CDH13: variants seen among roughly 807,000 people sequenced by gnomAD.
CDH13 encodes the protein cadherin-13.
In CDH13, 24 loss-of-function variants were observed where a neutral mutation model predicts 63.8. The ratio of observed to expected loss-of-function variants is 0.38; its 90% confidence interval spans 0.27 to 0.53. The LOEUF (loss-of-function observed/expected upper bound fraction) is 0.53, where lower values mean the gene tolerates loss of function less well. Ranked by LOEUF, CDH13 falls within the 20% of genes least tolerant of loss-of-function variation. The probability of loss-of-function intolerance (pLI) is 0.85; values close to 1 mark genes in which losing one functional copy is unlikely to be tolerated. For missense variants in CDH13, 1,049 were observed against 903.1 expected (o/e 1.16, Z -2.07); for synonymous variants, 503 against 355.3 (o/e 1.42, Z -4.67).
At chr16:82,744,991 C>G (rs76155441) in intron 1 of CDH13, among the ~76,000 whole-genome samples, 122 of 152,262 alleles carry the variant, frequency 8.0e-4, no homozygotes, top group African/African-American at 2.8e-3. Context: ...CAATTCTTTT[C>G]CAGTACGGAG....
intron 6 of CDH13, among the ~76,000 whole-genome samples, chr16:83,449,651 A>G (rs1567680263): frequency 6.6e-6 from 1 of 152,094 alleles, no homozygotes; most frequent in African/African-American, 2.4e-5. Context: ...CCCTCATAAC[A>G]CCATGGGATG....
intron 1 of CDH13, among the ~76,000 whole-genome samples, chr16:82,837,852 C>T (rs937045594): frequency 6.6e-6 from 1 of 152,204 alleles, no homozygotes; most frequent in Non-Finnish European, 1.5e-5. Flanking sequence ...CTTGGAGCCA[C>T]TCTTACCAGT....
chr16:82,741,829 A>T (rs939705250), intron 1 of CDH13, among the ~76,000 whole-genome samples: 2 of 152,204 alleles, frequency 1.3e-5, no homozygotes, highest in Non-Finnish European at 2.9e-5. Context: ...GATATCTGGC[A>T]TTGCCAACTG....
In CDH13 at chr16:83,613,005, A is replaced by G. The variant is rs1395236264; in HGVS notation, c.1101+10411A>G. Among the ~76,000 whole-genome samples the G allele has an allele frequency of 2.0e-5, 3 of 152,144 alleles. No homozygotes were observed. The East Asian group carries it at 5.8e-4, about 29-fold the overall frequency. The stretch of plus-strand genomic sequence containing the variant: ...AAGTCTGCTGGTAATAAGTTCTCTC[A>G]TATATTATCTAAAAAATGTCTTTTT... On this transcript the variant is annotated intron_variant, in intron 8 of 13. Coordinates refer to ENST00000567109, the MANE Select transcript of CDH13 (RefSeq NM_001257.5).
chr16:83,534,269 G>A (rs1188825954), intron 7 of CDH13, among the ~76,000 whole-genome samples: 1 of 152,214 alleles, frequency 6.6e-6, no homozygotes, highest in African/African-American at 2.4e-5. Flanking sequence ...AGGCAGAGCT[G>A]TGGATCCTCA....
Position 83,798,513 on chromosome 16 carries a change from C to G in CDH13, c.*3483C>G, listed in dbSNP as rs1260074019. The stretch of plus-strand genomic sequence containing the variant: ...TATGAGACAAGCACTACTATCTTCT[C>G]CAACTCACAGATAAAGAAGGCTGAG... On this transcript the variant is annotated 3_prime_UTR_variant, in exon 14 of 14. Transcript: ENST00000567109. 5.3e-5 allele frequency: 8 copies of G among 152,328 alleles called. No individual in the cohort carries two copies. In the South Asian group the frequency reaches 1.4e-3, roughly 28 times the overall value. 9.4% of individuals were successfully genotyped at this position (152,328 alleles called of 1,614,324 possible).
At chr16:82,787,016 C>T (rs2036048859) in intron 1 of CDH13, among the ~76,000 whole-genome samples, 1 of 152,146 alleles carries the variant, frequency 6.6e-6, no homozygotes, top group South Asian at 2.1e-4. Context: ...TCACAATTTC[C>T]AGTGAGTCTT....
At chr16:83,141,415 A>G (rs1403339601) in intron 4 of CDH13, among the ~76,000 whole-genome samples, 1 of 152,102 alleles carries the variant, frequency 6.6e-6, no homozygotes, top group East Asian at 1.9e-4. Flanking sequence ...CATGTTCACA[A>G]TCTCTATAGG....
At chr16:82,860,016 C>G (rs1380487471) in intron 2 of CDH13, among the ~76,000 whole-genome samples, 1 of 152,124 alleles carries the variant, frequency 6.6e-6, no homozygotes, top group Non-Finnish European at 1.5e-5. Flanking sequence ...ATTAGGAACC[C>G]TCCTTTGTCT....
At chr16:83,310,437 A>G (rs991311697) in intron 5 of CDH13, among the ~76,000 whole-genome samples, 1 of 152,232 alleles carries the variant, frequency 6.6e-6, no homozygotes, top group Non-Finnish European at 1.5e-5. Flanking sequence ...TATGTAACAG[A>G]TGCATATTTG....
At chr16:83,233,845 A>G (rs2040073332) in intron 5 of CDH13, among the ~76,000 whole-genome samples, 1 of 152,158 alleles carries the variant, frequency 6.6e-6, no homozygotes. Flanking sequence ...TCCAGACATT[A>G]GGAGGTGGGC....
At chr16:83,575,085 A>G (rs1347050057) in intron 7 of CDH13, among the ~76,000 whole-genome samples, 1 of 152,224 alleles carries the variant, frequency 6.6e-6, no homozygotes, top group African/African-American at 2.4e-5. Flanking sequence ...AAGCACTGTG[A>G]GATGACGTAT....
At chr16:83,354,382 C>T (rs1469383273) in intron 6 of CDH13, among the ~76,000 whole-genome samples, 9 of 152,160 alleles carry the variant, frequency 5.9e-5, no homozygotes, top group Admixed American at 5.2e-4. Context: ...TCAGTAAATT[C>T]ATTCAACAAG....
At chr16:82,973,645 C>A (rs754351675) in intron 2 of CDH13, among the ~76,000 whole-genome samples, 4 of 152,206 alleles carry the variant, frequency 2.6e-5, no homozygotes, top group Non-Finnish European at 2.9e-5. Flanking sequence ...CTGTGCCCCT[C>A]CACCTGGAGG....
chr16:83,748,321 C>T, intron 11 of CDH13, 71 bp downstream of exon 11: 1 of 1,400,390 alleles, frequency 7.1e-7, no homozygotes, highest in Admixed American at 2.0e-5. Flanking sequence ...TTTTAAATTT[C>T]TTCTGATACA....
At chr16:82,822,533 G>A (rs138501618) in intron 1 of CDH13, among the ~76,000 whole-genome samples, 2 of 152,262 alleles carry the variant, frequency 1.3e-5, no homozygotes, top group East Asian at 3.9e-4. Flanking sequence ...GTCTCATTCT[G>A]TCACTCAGGC....
intron 3 of CDH13, among the ~76,000 whole-genome samples, chr16:83,097,884 A>C (rs1377428469): frequency 2.0e-5 from 3 of 152,232 alleles, no homozygotes; most frequent in African/African-American, 7.2e-5. Flanking sequence ...ACAGTATTTT[A>C]TTTGTTCATT....
In CDH13 at chr16:82,936,769, G is replaced by A. The variant is rs550114761; in HGVS notation, c.157+78296G>A. Among the ~76,000 whole-genome samples the A allele has an allele frequency of 2.5e-3, 381 of 152,314 alleles. 1 individual carries two copies. Among genetic ancestry groups the A allele is most frequent in the Non-Finnish European group, 4.0e-3 (271 of 68,038 alleles). On this transcript the variant is annotated intron_variant, in intron 2 of 13. Coordinates refer to ENST00000567109, the MANE Select transcript of CDH13 (RefSeq NM_001257.5). ...AGAATAGGTAGAATCAACTCTACTTGAGTGCATTGCCCACACAACTGCTTA... is the reference window on the plus strand; with the variant it reads ...AGAATAGGTAGAATCAACTCTACTTAAGTGCATTGCCCACACAACTGCTTA...
intron 7 of CDH13, among the ~76,000 whole-genome samples, chr16:83,542,038 C>T (rs1397345781): frequency 1.3e-5 from 2 of 152,224 alleles, no homozygotes; most frequent in African/African-American, 4.8e-5. Context: ...TTGCTCCTTA[C>T]AGTGTAGGCC....
Sources: allele counts gnomAD v4.1 joint callset (sites outside exome capture counted in the v4.1 genomes callset), GRCh38; gene constraint gnomAD v4.1.1; transcripts MANE v1.5; gene names NCBI Gene and HGNC (gene_info 2026-07-23, HGNC 2026-07-21).